The following MEIS1 variants were observed in gnomAD, a reference collection of about 807,000 sequenced individuals.
The protein encoded by MEIS1 is homeobox protein Meis1.
Under a neutral mutation model 50.8 loss-of-function variants are expected in MEIS1, and 5 were observed. That is an observed-to-expected ratio of 0.10 (90% CI 0.05 to 0.21). The LOEUF (loss-of-function observed/expected upper bound fraction) is 0.21, where lower values mean the gene tolerates loss of function less well. Ranked by LOEUF, MEIS1 falls within the 10% of genes least tolerant of loss-of-function variation. The probability of loss-of-function intolerance (pLI) is 1.00; values close to 1 mark genes in which losing one functional copy is unlikely to be tolerated. For missense variants in MEIS1, 318 were observed against 517.3 expected (o/e 0.61, Z 3.74); for synonymous variants, 176 against 179.3 (o/e 0.98, Z 0.15).
chr2:66,546,219 G>C (rs1674788673), intron 8 of MEIS1, among the ~76,000 whole-genome samples: 1 of 152,184 alleles, frequency 6.6e-6, no homozygotes, highest in South Asian at 2.1e-4. Flanking sequence ...GGGTAAAGCT[G>C]AACATTTGAG....
intron 6 of MEIS1, among the ~76,000 whole-genome samples, chr2:66,449,817 A>G (rs971218136): frequency 6.6e-6 from 1 of 152,182 alleles, no homozygotes; most frequent in Non-Finnish European, 1.5e-5. Context: ...TGTTAAAGGA[A>G]AATACAAGAG....
chr2:66,515,612 A>G (rs1209247235), intron 8 of MEIS1, among the ~76,000 whole-genome samples: 1 of 152,174 alleles, frequency 6.6e-6, no homozygotes, highest in Non-Finnish European at 1.5e-5. Context: ...TAAAAGAAAA[A>G]GGAAACGAGT....
chr2:66,451,067 T>G (rs1328351151), intron 6 of MEIS1, among the ~76,000 whole-genome samples: 1 of 152,098 alleles, frequency 6.6e-6, no homozygotes, highest in Non-Finnish European at 1.5e-5. Flanking sequence ...TGTTACTCAC[T>G]TCAAAACAGG....
intron 7 of MEIS1, among the ~76,000 whole-genome samples, chr2:66,494,033 A>G (rs767208881): frequency 1.3e-5 from 2 of 152,202 alleles, no homozygotes; most frequent in Non-Finnish European, 2.9e-5. Context: ...TCTTCAGCAT[A>G]TATAGGTGGT....
At chr2:66,526,473 CGACTCTTG>C (rs1223262999) in intron 8 of MEIS1, among the ~76,000 whole-genome samples, 1 of 152,106 alleles carries the variant, frequency 6.6e-6, no homozygotes, top group Non-Finnish European at 1.5e-5. Context: ...AGCAGAGCAG[CGACTCTTG>C]GAATCACTAT....
intron 8 of MEIS1, among the ~76,000 whole-genome samples, chr2:66,540,222 T>G (rs867170864): frequency 6.6e-6 from 1 of 152,202 alleles, no homozygotes; most frequent in Non-Finnish European, 1.5e-5. Context: ...TGAGTTTGAA[T>G]GAGCTATTGT....
intron 7 of MEIS1, among the ~76,000 whole-genome samples, chr2:66,497,997 G>A (rs537374467): frequency 6.6e-6 from 1 of 150,928 alleles, no homozygotes; most frequent in South Asian, 2.1e-4. Flanking sequence ...GGGGCTGTGG[G>A]GGAAGAAAAA....
chr2:66,524,905 T>G (rs1674211027), intron 8 of MEIS1, among the ~76,000 whole-genome samples: 1 of 152,146 alleles, frequency 6.6e-6, no homozygotes, highest in South Asian at 2.1e-4. Flanking sequence ...TTCTTTTGCT[T>G]CTTTAAAAAC....
At chr2:66,474,238 G>A (rs945931622) in intron 7 of MEIS1, among the ~76,000 whole-genome samples, 5 of 152,056 alleles carry the variant, frequency 3.3e-5, no homozygotes, top group African/African-American at 9.7e-5. Context: ...CCTCTGCCCC[G>A]CAGTGAGCAT....
intron 7 of MEIS1, among the ~76,000 whole-genome samples, chr2:66,500,188 T>C (rs1271383067): frequency 6.6e-6 from 1 of 152,182 alleles, no homozygotes; most frequent in East Asian, 1.9e-4. Context: ...CTTTACCACA[T>C]ATAATCTATG....
rs144045006 is a variant in MEIS1 at position 66,477,583 on chromosome 2, C to T, written c.742+13363C>T. Among the ~76,000 whole-genome samples the T allele has an allele frequency of 5.4e-3, 821 of 152,272 alleles. 3 individuals are homozygous for T. Among genetic ancestry groups the T allele is most frequent in the Admixed American group, 8.4e-3 (128 of 15,286 alleles). On this transcript the variant is annotated intron_variant, in intron 7 of 12. Transcript: ENST00000272369. Reference sequence around the variant, plus strand: ...CACTGCTTTCCCTCAAAGAAGGCTCCGGCTCCGTGGAGACCAGGGGCTGGG... The same window carrying T: ...CACTGCTTTCCCTCAAAGAAGGCTCTGGCTCCGTGGAGACCAGGGGCTGGG...
chr2:66,436,612 C>G (rs2103668605), intron 1 of MEIS1, among the ~76,000 whole-genome samples: 1 of 152,286 alleles, frequency 6.6e-6, no homozygotes, highest in Non-Finnish European at 1.5e-5. Flanking sequence ...CCCTCAAAGC[C>G]CTGTTTGCAA....
chr2:66,435,647 C>T lies in MEIS1; in HGVS notation c.-210C>T. 2 of 441,654 alleles carry T rather than the reference C, an allele frequency of 4.5e-6. No individual in the cohort carries two copies. The allele number at this position is 441,654 out of a possible 1,614,324, so 27.4% of individuals were successfully genotyped here. ...GTCTTGGAAACGGAGCGCTTTTATG[C>T]TCAGTGACTCGGGCGCTTTGCTTCA... On this transcript the variant is annotated 5_prime_UTR_variant, in exon 1 of 13. Transcript: ENST00000272369.
intron 7 of MEIS1, among the ~76,000 whole-genome samples, chr2:66,482,160 A>G (rs1403492254): frequency 1.3e-5 from 2 of 152,056 alleles, no homozygotes; most frequent in Non-Finnish European, 2.9e-5. Flanking sequence ...ATGCCCAGTG[A>G]TATTCCATTA....
At chr2:66,442,366 AT>A (rs1160062231) in intron 5 of MEIS1, among the ~76,000 whole-genome samples, 2 of 145,220 alleles carry the variant, frequency 1.4e-5, no homozygotes, top group East Asian at 4.0e-4. Context: ...ATTTCCTTCC[AT>A]TTTTTTTTCA....
At chr2:66,551,003 A>G (rs565810447) in intron 9 of MEIS1, among the ~76,000 whole-genome samples, 1 of 152,200 alleles carries the variant, frequency 6.6e-6, no homozygotes, top group Non-Finnish European at 1.5e-5. Flanking sequence ...ACATTTTTGT[A>G]TGAACTATGA....
Position 66,492,069 on chromosome 2 carries a change from TTGTGTGTG to T in MEIS1, c.743-20066_743-20059del, listed in dbSNP as rs139510530. Among the ~76,000 whole-genome samples the T allele has an allele frequency of 9.7e-5, 14 of 144,668 alleles. No individual in the cohort carries two copies. The East Asian group carries it at 2.4e-3, about 25-fold the overall frequency. 94.9% of individuals were successfully genotyped at this position (144,668 alleles called of 152,430 possible). A position where few individuals can be genotyped will look rare whatever the true frequency, so the allele number is the denominator to read the frequency against. On this transcript the variant is annotated intron_variant, in intron 7 of 12. Transcript: ENST00000272369. ...AAACAGGAAAAGTGTGAGCGTTCAC[TTGTGTGTG>T]TGTGTGTGTGTGTCTGCTTGCATGT...
In MEIS1 at chr2:66,533,618, A is replaced by G. The variant is rs559618922; in HGVS notation, c.889-14325A>G. On this transcript the variant is annotated intron_variant, in intron 8 of 12. Coordinates refer to ENST00000272369, the MANE Select transcript of MEIS1 (RefSeq NM_002398.3). ...AAGAGAAGTTGTAGCTAAGCATAAA[A>G]CATCTAATAGGGAAAACATAGCCTC... Among the ~76,000 whole-genome samples the G allele has an allele frequency of 1.4e-4, 22 of 152,332 alleles. 1 individual carries two copies. The South Asian group carries it at 4.6e-3, about 32-fold the overall frequency.
chr2:66,520,279 C>T (rs1424387053), intron 8 of MEIS1, among the ~76,000 whole-genome samples: 1 of 150,998 alleles, frequency 6.6e-6, no homozygotes, highest in Non-Finnish European at 1.5e-5. Context: ...TCGAGACCAT[C>T]CTGGCTAACC....
Sources: gnomAD v4.1 joint callset for allele counts (sites outside exome capture counted in the v4.1 genomes callset) on GRCh38, gnomAD v4.1.1 for gene constraint, MANE v1.5 for transcripts, NCBI Gene and HGNC (gene_info 2026-07-23, HGNC 2026-07-21) for gene names.